GGT7: variants seen among roughly 807,000 people sequenced by gnomAD.
GGT7 encodes the protein glutathione hydrolase 7.
GGT7 carries 30 observed loss-of-function variants against 69.2 expected under a neutral mutation model. The observed-to-expected ratio is 0.43, with a 90% CI of 0.32 to 0.59. The LOEUF is 0.59. Ranked by LOEUF, GGT7 falls within the 20% of genes least tolerant of loss-of-function variation. The pLI is 0.05. For synonymous variants in GGT7, 388 were observed against 391.8 expected (o/e 0.99, Z 0.12); for missense variants, 733 against 901.1 (o/e 0.81, Z 2.39).
chr20:34,845,122 C>CACCACT lies in GGT7; in HGVS notation c.*205_*206insAGTGGT. ...TGTAGATGCTGACACTCACCACCACCACCACCACCACCACCACCACCACCA... is the reference window on the plus strand; with the variant it reads ...TGTAGATGCTGACACTCACCACCACCACCACTACCACCACCACCACCACCACCACCA... On this transcript the variant is annotated 3_prime_UTR_variant, in exon 15 of 15. Transcript: ENST00000336431. The CACCACT allele has an allele frequency of 4.6e-6, 2 of 439,552 alleles. No homozygotes were observed. The highest frequency in any genetic ancestry group is 4.6e-5 in the South Asian group (2 of 43,208). 27.2% of individuals were successfully genotyped at this position (439,552 alleles called of 1,614,324 possible). A position where few individuals can be genotyped will look rare whatever the true frequency, so the allele number is the denominator to read the frequency against.
At chr20:34,847,814 G>A (rs1225643269) in intron 14 of GGT7, among the ~76,000 whole-genome samples, 2 of 152,176 alleles carry the variant, frequency 1.3e-5, no homozygotes, top group African/African-American at 2.4e-5. Context: ...ATTTAGGGCC[G>A]GGCATGGTGG....
intron 7 of GGT7, 38 bp from the exon 8 acceptor site, chr20:34,856,931 T>TA (rs776766201): frequency 1.6e-6 from 2 of 1,257,204 alleles, no homozygotes; most frequent in Admixed American, 3.4e-5. Flanking sequence ...CTCCCACCAC[T>TA]GTGACATGGT....
At chr20:34,849,682 T>C (rs1386884336) in intron 14 of GGT7, among the ~76,000 whole-genome samples, 1 of 152,202 alleles carries the variant, frequency 6.6e-6, no homozygotes, top group African/African-American at 2.4e-5. Flanking sequence ...TACAAACTGT[T>C]GAGTAAATGA....
intron 14 of GGT7, among the ~76,000 whole-genome samples, chr20:34,847,145 G>A (rs767671747): frequency 1.3e-4 from 20 of 152,120 alleles, no homozygotes; most frequent in Non-Finnish European, 1.9e-4. Flanking sequence ...AGTTAGGAAC[G>A]TTGTCTTGTT....
At chr20:34,854,235 C>T (rs2079448249) in intron 10 of GGT7, among the ~76,000 whole-genome samples, 1 of 152,156 alleles carries the variant, frequency 6.6e-6, no homozygotes, top group African/African-American at 2.4e-5. Flanking sequence ...CCGTGCCTGG[C>T]TTTTGTTTGG....
chr20:34,849,181 G>A (rs1480579757), intron 14 of GGT7, among the ~76,000 whole-genome samples: 2 of 148,120 alleles, frequency 1.4e-5, no homozygotes, highest in Non-Finnish European at 3.0e-5. Context: ...TTTTTTTTAG[G>A]AGATAGGATC....
chr20:34,845,921 G>T (rs138724435), intron 14 of GGT7, among the ~76,000 whole-genome samples: 1 of 152,034 alleles, frequency 6.6e-6, no homozygotes, highest in Non-Finnish European at 1.5e-5. Context: ...TTAGCTGAGC[G>T]TGGTGGTACA....
intron 4 of GGT7, 26 bp from the exon 5 acceptor site, chr20:34,860,347 G>A: frequency 6.3e-7 from 1 of 1,587,582 alleles, no homozygotes; most frequent in East Asian, 2.2e-5. Flanking sequence ...AGGCGAGGGA[G>A]AGAGGAGACC....
intron 1 of GGT7, among the ~76,000 whole-genome samples, chr20:34,871,876 A>G (rs1274374994): frequency 1.3e-5 from 2 of 152,186 alleles, no homozygotes; most frequent in Non-Finnish European, 2.9e-5. Context: ...GAAGGAATGC[A>G]CAGAGAGCTC....
chr20:34,868,581 A>G (rs1297328384), intron 1 of GGT7, among the ~76,000 whole-genome samples: 2 of 151,776 alleles, frequency 1.3e-5, no homozygotes, highest in African/African-American at 2.4e-5. Context: ...TTCTCATTCA[A>G]TTTTCTTTTA....
In GGT7 at chr20:34,852,180, G is replaced by C; in HGVS notation, c.1562C>G (p.Thr521Arg). ...QMLDFSWPNR[T>R]ANHSAPSLEN... ...CAGGCTGGGTGCAGAGTGGTTAGCT[G>C]TCCGGTTGGGCCAGGAGAAGTCCAG... Residue 521 changes from threonine (T) to arginine (R), a missense_variant, in exon 12 of 15, where the codon ACA becomes AGA. Physicochemically the swap from Thr to Arg is moderately conservative, Grantham distance 71. Coordinates refer to ENST00000336431, the MANE Select transcript of GGT7 (RefSeq NM_178026.3). 3 of 1,612,554 alleles carry C rather than the reference G, an allele frequency of 1.9e-6. No homozygotes were observed. Among genetic ancestry groups the C allele is most frequent in the Non-Finnish European group, 2.5e-6 (3 of 1,178,508 alleles).
At chr20:34,868,958 C>T (rs2079737161) in intron 1 of GGT7, among the ~76,000 whole-genome samples, 1 of 152,096 alleles carries the variant, frequency 6.6e-6, no homozygotes, top group Non-Finnish European at 1.5e-5. Context: ...ACCCCATATC[C>T]CTGGACTTTT....
intron 7 of GGT7, among the ~76,000 whole-genome samples, chr20:34,857,266 G>C (rs1283161361): frequency 6.6e-6 from 1 of 152,136 alleles, no homozygotes; most frequent in African/African-American, 2.4e-5. Flanking sequence ...TCATGCCTTC[G>C]TGTCTTTGTA....
rs752554754 is a variant in GGT7 at position 34,872,828 on chromosome 20, C to T, written c.-13G>A. The stretch of plus-strand genomic sequence containing the variant: ...TCTCCGCCGCCATCCTCGCCCGCGC[C>T]CCCCAGCAGCGCAGCGCCTGCCGGA... On this transcript the variant is annotated 5_prime_UTR_variant, in exon 1 of 15. Transcript: ENST00000336431. 4 of 1,335,468 alleles carry T rather than the reference C, an allele frequency of 3.0e-6. No homozygotes were observed. The South Asian group carries it at 7.8e-5, about 26-fold the overall frequency. The allele number at this position is 1,335,468 out of a possible 1,614,324, so 82.7% of individuals were successfully genotyped here.
At position 34,872,632 on chromosome 20, in the gene GGT7, G is replaced by A. The variant is rs368199163; in HGVS notation, c.169+15C>T. 3,505 of 1,446,702 alleles carry A rather than the reference G, an allele frequency of 2.4e-3. 9 individuals are homozygous for A. The highest frequency in any genetic ancestry group is 2.9e-3 in the Non-Finnish European group (3,227 of 1,100,062). 89.6% of individuals were successfully genotyped at this position (1,446,702 alleles called of 1,614,324 possible). ...CTTCCCAAGGCAGGGCAGGGACGGG[G>A]TCAGCGGGCCTCACCGGTGTCGGGG... On this transcript the variant is annotated intron_variant, in intron 1 of 14. Coordinates refer to ENST00000336431, the MANE Select transcript of GGT7 (RefSeq NM_178026.3).
intron 14 of GGT7, 122 bp from the exon 15 acceptor site, chr20:34,845,613 A>G (rs1476959008): frequency 2.5e-6 from 2 of 792,932 alleles, no homozygotes. Flanking sequence ...ACCTTGGACA[A>G]ATCACTTTAC....
Position 34,845,136 on chromosome 20 carries a change from C to CCACCAT in GGT7, c.*191_*192insATGGTG. 1 of 477,398 alleles carries CCACCAT rather than the reference C, an allele frequency of 2.1e-6. No homozygotes were observed. The highest frequency in any genetic ancestry group is 3.8e-6 in the Non-Finnish European group (1 of 261,012). 29.6% of individuals were successfully genotyped at this position (477,398 alleles called of 1,614,324 possible). A position where few individuals can be genotyped will look rare whatever the true frequency, so the allele number is the denominator to read the frequency against. On this transcript the variant is annotated 3_prime_UTR_variant, in exon 15 of 15. Coordinates refer to ENST00000336431, the MANE Select transcript of GGT7 (RefSeq NM_178026.3). Reference sequence around the variant, plus strand: ...CTCACCACCACCACCACCACCACCACCACCACCACCACCACCACAGGCCTC... The same window carrying CCACCAT: ...CTCACCACCACCACCACCACCACCACCACCATCACCACCACCACCACCACAGGCCTC...
At chr20:34,850,867 G>C (rs764780001) in intron 13 of GGT7, 1 of 571,776 alleles carries the variant, frequency 1.7e-6, no homozygotes, top group Non-Finnish European at 3.4e-6. Context: ...AGAAAAGCAG[G>C]CCCTTCCTTT....
intron 1 of GGT7, among the ~76,000 whole-genome samples, chr20:34,867,757 C>A (rs1247697846): frequency 6.6e-6 from 1 of 152,084 alleles, no homozygotes; most frequent in Non-Finnish European, 1.5e-5. Flanking sequence ...GTGGCAGGAC[C>A]AAGAGTCTGT....
Sources: allele counts gnomAD v4.1 joint callset (sites outside exome capture counted in the v4.1 genomes callset), GRCh38; gene constraint gnomAD v4.1.1; transcripts MANE v1.5; gene names NCBI Gene and HGNC (gene_info 2026-07-23, HGNC 2026-07-21).